The following BCAS3 variants were observed in gnomAD, a reference collection of about 807,000 sequenced individuals.
The protein encoded by BCAS3 is BCAS4/BCAS3 fusion.
BCAS3 carries 53 observed loss-of-function variants against 116.1 expected under a neutral mutation model. The ratio of observed to expected loss-of-function variants is 0.46; its 90% CI spans 0.37 to 0.57. BCAS3 has a LOEUF of 0.57. BCAS3 is among the 20% of genes least tolerant of loss of function. BCAS3 has a pLI of 0.00. For synonymous variants in BCAS3, 391 were observed against 408.2 expected (o/e 0.96, Z 0.51); for missense variants, 917 against 1,165.4 (o/e 0.79, Z 3.10).
chr17:61,075,474 C>T (rs8068382), intron 20 of BCAS3, among the ~76,000 whole-genome samples: 11,609 of 151,970 alleles, frequency 0.076, 1,438 homozygotes, highest in African/African-American at 0.26. Flanking sequence ...ACCACCATGC[C>T]TGGCTAATTT....
chr17:61,173,616 TATAATA>T, intron 22 of BCAS3, among the ~76,000 whole-genome samples: 1 of 152,126 alleles, frequency 6.6e-6, no homozygotes, highest in East Asian at 1.9e-4. Context: ...AAAAAAACTA[TATAATA>T]TGGCCCAGTG....
rs2062222525 is a variant in BCAS3, at chr17:60,974,996, T to G, written c.1222-14975T>G. On this transcript the variant is annotated intron_variant, in intron 14 of 23. Coordinates refer to ENST00000407086, the MANE Select transcript of BCAS3 (RefSeq NM_017679.5). ...TTGTTTTTTTTGTTTTTTTTGCTTT[T>G]TTGTTTTTTTTTTTTTGAGACGGAG... 4.7e-5 allele frequency among the ~76,000 whole-genome samples: 7 copies of G among 147,818 alleles called. 1 individual carries two copies. The highest frequency in any genetic ancestry group is 1.6e-4 in the African/African-American group (6 of 37,724).
intron 6 of BCAS3, among the ~76,000 whole-genome samples, chr17:60,779,693 C>T (rs1237404794): frequency 6.6e-6 from 1 of 152,060 alleles, no homozygotes; most frequent in East Asian, 1.9e-4. Flanking sequence ...GACTTGGTTC[C>T]TATCAAGATA....
At chr17:60,716,170 G>A (rs1439827469) in intron 5 of BCAS3, among the ~76,000 whole-genome samples, 2 of 152,192 alleles carry the variant, frequency 1.3e-5, no homozygotes, top group Non-Finnish European at 2.9e-5. Context: ...CACGAACTAT[G>A]AAGATTTAAA....
In BCAS3 at chr17:61,188,116, C is replaced by A. The variant is rs115168527; in HGVS notation, c.2425+103552C>A. Among the ~76,000 whole-genome samples, 375 of 152,262 alleles carry A rather than the reference C, an allele frequency of 2.5e-3. 4 individuals carry two copies. The highest frequency in any genetic ancestry group is 8.1e-3 in the African/African-American group (337 of 41,570). On this transcript the variant is annotated intron_variant, in intron 22 of 23. Transcript: ENST00000407086. The surrounding 1 kb of genome is among the most constrained non-coding windows in gnomAD (Gnocchi z 4.0). Reference sequence around the variant, plus strand: ...TGCTCTTGAACTTTTGAGGGAAAAACAAATACATGGCAGAATTGTAGGATT... The same window carrying A: ...TGCTCTTGAACTTTTGAGGGAAAAAAAAATACATGGCAGAATTGTAGGATT...
rs985677922 is a variant in BCAS3, at chr17:61,205,758, T to C, written c.2425+121194T>C. On this transcript the variant is annotated intron_variant, in intron 22 of 23. Coordinates refer to ENST00000407086, the MANE Select transcript of BCAS3 (RefSeq NM_017679.5). This position sits in a 1 kb window ranked among gnomAD's most constrained non-coding sequence, Gnocchi z 5.2. ...CTCTATTTAGTCTTAAAATGGCTAA[T>C]TTAAAGTTTCTGAAGCTTTGTAGGA... 6.6e-6 allele frequency among the ~76,000 whole-genome samples: 1 copy of C among 152,198 alleles called. No individual in the cohort carries two copies. The highest frequency in any genetic ancestry group is 2.4e-5 in the African/African-American group (1 of 41,456).
intron 14 of BCAS3, chr17:60,987,246 A>C (rs1160402425): frequency 6.8e-6 from 1 of 147,116 alleles, no homozygotes; most frequent in African/African-American, 2.5e-5. Context: ...CTGTAGTATA[A>C]TTTGAAGTCA....
In BCAS3 at chr17:61,029,630, AT is replaced by A. The variant is rs1292444144; in HGVS notation, c.1638-5031del. Among the ~76,000 whole-genome samples, 1 of 151,986 alleles carries A rather than the reference AT, an allele frequency of 6.6e-6. No homozygotes were observed. Among genetic ancestry groups the A allele is most frequent in the African/African-American group, 2.4e-5 (1 of 41,428 alleles). Reference sequence around the variant, plus strand: ...GTAGTGTTGTATTTAAGCTACTGTTATTTTTGAATTGCTTATCAAAAAACAT... The same window carrying A: ...GTAGTGTTGTATTTAAGCTACTGTTATTTTGAATTGCTTATCAAAAAACAT... On this transcript the variant is annotated intron_variant, in intron 16 of 23. Coordinates refer to ENST00000407086, the MANE Select transcript of BCAS3 (RefSeq NM_017679.5). The surrounding 1 kb of genome is among the most constrained non-coding windows in gnomAD (Gnocchi z 5.2).
chr17:60,882,272 A>G (rs1250750499), intron 9 of BCAS3, among the ~76,000 whole-genome samples: 1 of 151,320 alleles, frequency 6.6e-6, no homozygotes, highest in Non-Finnish European at 1.5e-5. Flanking sequence ...TCCTTTGCCC[A>G]CTTTTTGATG....
rs758827930 is a variant in BCAS3, at chr17:60,910,589, C to T, written c.880C>T (p.Leu294=). ...AGTGGTGACTCAGCTGACAGGCACA[C>T]TGCCTTCAGGTGTGACAGAAGATGA... ...GKVVTQLTGT[L]PSGVTEDDVA... is the part of the protein sequence containing the mutation. The change falls in exon 12 of 24, where the codon CTG becomes TTG. Residue 294 remains leucine (L), a synonymous_variant. Coordinates refer to ENST00000407086, the MANE Select transcript of BCAS3 (RefSeq NM_017679.5). The T allele has an allele frequency of 6.2e-7, 1 of 1,612,410 alleles. No individual in the cohort carries two copies. The highest frequency in any genetic ancestry group is 1.3e-5 in the African/African-American group (1 of 74,914).
intron 6 of BCAS3, among the ~76,000 whole-genome samples, chr17:60,753,780 AT>A (rs1456077202): frequency 2.0e-5 from 3 of 152,086 alleles, no homozygotes; most frequent in East Asian, 3.9e-4. Context: ...CCAGTCTCTG[AT>A]TTTCATAGAT....
intron 6 of BCAS3, among the ~76,000 whole-genome samples, chr17:60,754,933 A>T (rs2042863707): frequency 6.6e-6 from 1 of 152,224 alleles, no homozygotes; most frequent in Non-Finnish European, 1.5e-5. Flanking sequence ...GTGTATTTTT[A>T]AAAATAACAC....
intron 22 of BCAS3, among the ~76,000 whole-genome samples, chr17:61,195,206 A>T (rs2080404260): frequency 1.3e-5 from 2 of 152,242 alleles, no homozygotes; most frequent in African/African-American, 2.4e-5. Flanking sequence ...GAAGGACTGG[A>T]TACAGTATGT....
intron 14 of BCAS3, among the ~76,000 whole-genome samples, chr17:60,986,014 GGCCTAAGCTACCAT>G: frequency 1.3e-5 from 2 of 152,326 alleles, no homozygotes; most frequent in South Asian, 4.1e-4. Context: ...TGGGATTACA[GGCCTAAGCTACCAT>G]GCCTGGCCAA....
intron 22 of BCAS3, among the ~76,000 whole-genome samples, chr17:61,334,609 A>T (rs1014106200): frequency 1.4e-5 from 2 of 138,630 alleles, no homozygotes; most frequent in Non-Finnish European, 3.0e-5. Context: ...GGTTGCGGTG[A>T]GCTGAGATCG....
At chr17:61,293,382 C>T (rs1410252540) in intron 22 of BCAS3, among the ~76,000 whole-genome samples, 1 of 152,172 alleles carries the variant, frequency 6.6e-6, no homozygotes, top group Non-Finnish European at 1.5e-5. Flanking sequence ...TTACCTCCCT[C>T]ACCCCAGTTT....
Position 61,132,409 on chromosome 17 carries a change from A to G in BCAS3, c.2425+47845A>G, listed in dbSNP as rs995971119. 2.2e-4 allele frequency among the ~76,000 whole-genome samples: 33 copies of G among 152,180 alleles called. No homozygotes were observed. The highest frequency in any genetic ancestry group is 7.7e-4 in the African/African-American group (32 of 41,452). ...GACCTGGGTCTTGGGGCATCTACCA[A>G]ATCTTAATGGTAGTCTCACTGTCTG... is the stretch of plus-strand genomic sequence containing the variant. On this transcript the variant is annotated intron_variant, in intron 22 of 23. Transcript: ENST00000407086. This position sits in a 1 kb window ranked among gnomAD's most constrained non-coding sequence, Gnocchi z 5.1.
chr17:60,892,750 G>C (rs1315036921), intron 10 of BCAS3, among the ~76,000 whole-genome samples: 1 of 152,028 alleles, frequency 6.6e-6, no homozygotes, highest in East Asian at 2.0e-4. Flanking sequence ...GTGAAACCCT[G>C]TCTCTACTAA....
At chr17:61,271,273 G>T (rs1401989340) in intron 22 of BCAS3, among the ~76,000 whole-genome samples, 1 of 149,420 alleles carries the variant, frequency 6.7e-6, no homozygotes, top group Non-Finnish European at 1.5e-5. Context: ...GATTACAGGC[G>T]CATGCCACCA....
Sources: allele counts gnomAD v4.1 joint callset (sites outside exome capture counted in the v4.1 genomes callset), GRCh38; gene constraint gnomAD v4.1.1; non-coding constraint Gnocchi (gnomAD v3.1); transcripts MANE v1.5; gene names NCBI Gene and HGNC (gene_info 2026-07-23, HGNC 2026-07-21).